TMEM230: variants seen among roughly 807,000 people sequenced by gnomAD.
The protein encoded by TMEM230 is UPF0414 transmembrane protein C20orf30.
In TMEM230, 10 loss-of-function variants were observed where a neutral mutation model predicts 15.8. The observed-to-expected ratio is 0.63, with a 90% CI of 0.39 to 1.07. TMEM230 has a LOEUF of 1.07. Among genes scored for constraint, TMEM230 ranks in the 50% least tolerant of loss-of-function variants. The probability of loss-of-function intolerance (pLI) is 0.01; values close to 1 mark genes in which losing one functional copy is unlikely to be tolerated. For synonymous variants in TMEM230, 67 were observed against 76.9 expected (o/e 0.87, Z 0.68); for missense variants, 165 against 193.3 (o/e 0.85, Z 0.87).
At chr20:5,075,860 C>T (rs961289138) in intron 3 of TMEM230, among the ~76,000 whole-genome samples, 1 of 151,672 alleles carries the variant, frequency 6.6e-6, no homozygotes, top group African/African-American at 2.4e-5. Flanking sequence ...GTGGCTTACA[C>T]TTGGAGGCCG....
At chr20:5,106,100 C>A in intron 4 of TMEM230, 88 bp downstream of exon 3, 3 of 1,503,942 alleles carry the variant, frequency 2.0e-6, no homozygotes, top group Non-Finnish European at 8.9e-7. Flanking sequence ...CACACACACA[C>A]ACACACACAC....
At chr20:5,096,841 C>A (rs1356670752), downstream of TMEM230, among the ~76,000 whole-genome samples, 2 of 152,194 alleles carry the variant, frequency 1.3e-5, no homozygotes, top group Admixed American at 1.3e-4. Context: ...ATTTGATAAA[C>A]CTAAGTGCCC....
chr20:5,105,897 T>C (rs533949571), intron 4 of TMEM230, among the ~76,000 whole-genome samples: 1 of 151,288 alleles, frequency 6.6e-6, no homozygotes, highest in Non-Finnish European at 1.5e-5. Context: ...CAAACAAAAA[T>C]AAGTAAATAA....
the TMEM230 span, among the ~76,000 whole-genome samples, chr20:5,059,763 ATTTTTTTTTTTTTT>A: frequency 6.5e-5 from 4 of 61,268 alleles, no homozygotes; most frequent in South Asian, 1.5e-3. Flanking sequence ...CTTCCAGCTA[ATTTTTTTTTTTTTT>A]TTTTTTTTTT....
chr20:5,074,615 GT>G (rs2088930853), intron 3 of TMEM230, among the ~76,000 whole-genome samples: 1 of 138,274 alleles, frequency 7.2e-6, no homozygotes, highest in Non-Finnish European at 1.5e-5. Flanking sequence ...TCTTTTGACA[GT>G]TTAACTCTCA....
chr20:5,110,412 G>A (rs1047838554), intron 2 of TMEM230, among the ~76,000 whole-genome samples: 1 of 152,010 alleles, frequency 6.6e-6, no homozygotes, highest in Non-Finnish European at 1.5e-5. Flanking sequence ...AGCCTCCTGA[G>A]TAGCTGGGAT....
At chr20:5,106,652 C>T (rs2090107706) in intron 3 of TMEM230, among the ~76,000 whole-genome samples, 1 of 152,164 alleles carries the variant, frequency 6.6e-6, no homozygotes, top group African/African-American at 2.4e-5. Flanking sequence ...GGTGATCCGC[C>T]CGCCTCGGCC....
At chr20:5,091,312 G>A (rs2089499714) in intron 3 of TMEM230, among the ~76,000 whole-genome samples, 1 of 152,186 alleles carries the variant, frequency 6.6e-6, no homozygotes, top group African/African-American at 2.4e-5. Flanking sequence ...CCCGGTTCAA[G>A]TGATTCTCCT....
chr20:5,108,400 C>T lies in TMEM230; in HGVS notation c.288+932G>A, dbSNP rs190206198. ...TGCCACTGCACTCCAGCCTGGGAAA[C>T]AAGACTAAAACTCCGTCTCCAAAAA... On this transcript the variant is annotated intron_variant, in intron 3 of 4. Transcript: ENST00000342308. Among the ~76,000 whole-genome samples, 892 of 95,096 alleles carry T rather than the reference C, an allele frequency of 9.4e-3. 4 individuals are homozygous for T. The highest frequency in any genetic ancestry group is 0.034 in the African/African-American group (843 of 24,560). The allele number at this position is 95,096 out of a possible 152,430, so 62.4% of individuals were successfully genotyped here.
At chr20:5,102,421 T>G (rs2089908078) in intron 4 of TMEM230, among the ~76,000 whole-genome samples, 1 of 152,160 alleles carries the variant, frequency 6.6e-6, no homozygotes, top group Non-Finnish European at 1.5e-5. Context: ...CTGGGCATGG[T>G]GGTTCACTCC....
rs559168686 is a variant in TMEM230 at position 5,107,649 on chromosome 20, AC to A, written c.289-1340del. ...TGGGGATTTAAGAGATCCTGTCTCT[AC>A]AAAAAATTTTAAAATTAGCTGGGTG... On this transcript the variant is annotated intron_variant, in intron 3 of 4. Transcript: ENST00000342308. 5.4e-3 allele frequency among the ~76,000 whole-genome samples: 816 copies of A among 152,256 alleles called. 10 individuals are homozygous for A. Among genetic ancestry groups the A allele is most frequent in the African/African-American group, 0.019 (778 of 41,554 alleles).
rs769374561 is a variant in TMEM230, at chr20:5,100,046, T to G, written c.*745A>C. 3 of 985,214 alleles carry G rather than the reference T, an allele frequency of 3.0e-6. No individual in the cohort carries two copies. The African/African-American group carries it at 5.2e-5, about 17-fold the overall frequency. 61.0% of individuals were successfully genotyped at this position (985,214 alleles called of 1,614,324 possible). Reference sequence around the variant, plus strand: ...AGGTGCTAGCAATACGGCTATAAACTCTAAATAATAACCACTACATGTTTC... The same window carrying G: ...AGGTGCTAGCAATACGGCTATAAACGCTAAATAATAACCACTACATGTTTC... On this transcript the variant is annotated 3_prime_UTR_variant, in exon 5 of 5. Coordinates refer to ENST00000342308, the MANE Select transcript of TMEM230 (RefSeq NM_001009923.2).
chr20:5,090,029 G>A (rs569102979), intron 3 of TMEM230, among the ~76,000 whole-genome samples: 1 of 151,804 alleles, frequency 6.6e-6, no homozygotes, highest in Non-Finnish European at 1.5e-5. Context: ...GAAAAGAAAA[G>A]AAAAGATGAC....
intron 3 of TMEM230, among the ~76,000 whole-genome samples, chr20:5,075,267 G>A (rs1230186167): frequency 6.6e-6 from 1 of 150,866 alleles, no homozygotes; most frequent in East Asian, 2.0e-4. Flanking sequence ...GTTTCTCTAT[G>A]TTGATCAGGC....
intron 2 of TMEM230, 149 bp from the exon 2 acceptor site, chr20:5,109,594 A>G (rs764371585): frequency 5.5e-4 from 359 of 651,426 alleles, no homozygotes; most frequent in Non-Finnish European, 8.8e-4. Flanking sequence ...TCACTGCTAA[A>G]TTTTCATTGT....
At chr20:5,112,713 T>C in intron 1 of TMEM230, 1 of 1,426,946 alleles carries the variant, frequency 7.0e-7, no homozygotes, top group Non-Finnish European at 9.2e-7. Flanking sequence ...TGCCTGGCAT[T>C]ACGCGCCTCT....
At chr20:5,101,492 G>C (rs1434781479) in intron 4 of TMEM230, among the ~76,000 whole-genome samples, 1 of 152,024 alleles carries the variant, frequency 6.6e-6, no homozygotes, top group Non-Finnish European at 1.5e-5. Flanking sequence ...TGTGATTACA[G>C]CTCACTGCAA....
intron 3 of TMEM230, among the ~76,000 whole-genome samples, chr20:5,086,166 G>C (rs1347415333): frequency 2.0e-5 from 3 of 151,594 alleles, no homozygotes; most frequent in African/African-American, 7.3e-5. Context: ...AGGCCAAGGT[G>C]GGAGGATCAC....
chr20:5,076,175 G>A (rs1230243723), intron 3 of TMEM230, among the ~76,000 whole-genome samples: 1 of 152,048 alleles, frequency 6.6e-6, no homozygotes, highest in Non-Finnish European at 1.5e-5. Context: ...AGTGTCCTAA[G>A]GGTACTTTCT....
Sources: allele counts gnomAD v4.1 joint callset (sites outside exome capture counted in the v4.1 genomes callset), GRCh38; gene constraint gnomAD v4.1.1; transcripts MANE v1.5; gene names NCBI Gene and HGNC (gene_info 2026-07-23, HGNC 2026-07-21).